The following RASEF variants were observed in gnomAD, a reference collection of about 807,000 sequenced individuals.
RASEF encodes RAS and EF-hand domain containing.
In RASEF, 68 loss-of-function variants were observed where a neutral mutation model predicts 90.1. That is an observed-to-expected ratio of 0.75 (90% CI 0.62 to 0.92). RASEF has a LOEUF of 0.92. RASEF is among the 40% of genes least tolerant of loss of function. The pLI is 0.00. For synonymous variants in RASEF, 331 were observed against 345.2 expected (o/e 0.96, Z 0.46); for missense variants, 949 against 937.2 (o/e 1.01, Z -0.16).
chr9:83,053,858 T>C (rs1830060784), intron 1 of RASEF, among the ~76,000 whole-genome samples: 1 of 78,940 alleles, frequency 1.3e-5, no homozygotes, highest in African/African-American at 6.5e-5. Context: ...TCTTTAAGAA[T>C]GTTGAATATT....
the RASEF span, among the ~76,000 whole-genome samples, chr9:83,107,233 A>C: frequency 6.6e-6 from 1 of 152,188 alleles, no homozygotes; most frequent in Non-Finnish European, 1.5e-5. Flanking sequence ...CACTTCTCTT[A>C]CATTGGTTGA....
At chr9:83,163,843 A>G in the RASEF span, among the ~76,000 whole-genome samples, 3 of 152,128 alleles carry the variant, frequency 2.0e-5, no homozygotes, top group African/African-American at 7.2e-5. Context: ...AAGTAATGTC[A>G]TAACAAATTA....
chr9:83,066,332 T>C (rs886515075), upstream of RASEF, among the ~76,000 whole-genome samples: 14 of 152,352 alleles, frequency 9.2e-5, 2 homozygotes, highest in South Asian at 6.2e-4. Flanking sequence ...CACAATTGCA[T>C]TGTGACCTGC....
the RASEF span, among the ~76,000 whole-genome samples, chr9:83,088,372 G>GGATAGATAGATAGATAGATAGATAGATA: frequency 6.8e-6 from 1 of 147,478 alleles, no homozygotes. Flanking sequence ...ATAGATAGAT[G>GGATAGATAGATAGATAGATAGATAGATA]GATAGATAGA....
chr9:83,191,534 G>T, the RASEF span, among the ~76,000 whole-genome samples: 3 of 152,274 alleles, frequency 2.0e-5, no homozygotes, highest in Admixed American at 2.0e-4. Context: ...ATCTTGGTCA[G>T]AATATTCAGG....
the RASEF span, among the ~76,000 whole-genome samples, chr9:83,204,636 C>T: frequency 0.033 from 5,095 of 152,260 alleles, 286 homozygotes; most frequent in African/African-American, 0.12. Context: ...AAAAACACCA[C>T]ACAAACATGT....
intron 1 of RASEF, among the ~76,000 whole-genome samples, chr9:83,061,906 C>T (rs1830207222): frequency 6.6e-6 from 1 of 152,194 alleles, no homozygotes; most frequent in South Asian, 2.1e-4. Context: ...AAATTAAATG[C>T]GTGAACTCTG....
intron 9 of RASEF, among the ~76,000 whole-genome samples, chr9:83,002,360 A>C (rs1184992620): frequency 6.6e-6 from 1 of 152,156 alleles, no homozygotes; most frequent in Non-Finnish European, 1.5e-5. Context: ...TCTCTCTCTC[A>C]ATACTGCTCA....
chr9:83,194,452 C>A, the RASEF span, among the ~76,000 whole-genome samples: 2 of 152,184 alleles, frequency 1.3e-5, no homozygotes, highest in African/African-American at 4.8e-5. Context: ...GGGGTAGAAG[C>A]TTTCAACATG....
At chr9:83,042,522 G>A (rs1418986214) in intron 1 of RASEF, among the ~76,000 whole-genome samples, 1 of 152,034 alleles carries the variant, frequency 6.6e-6, no homozygotes, top group African/African-American at 2.4e-5. Flanking sequence ...ATCTCTCTAA[G>A]TGGCTGAATT....
chr9:82,995,653 C>CCA (rs1453222037), intron 14 of RASEF, among the ~76,000 whole-genome samples: 4 of 152,030 alleles, frequency 2.6e-5, no homozygotes. Context: ...ACTATGTTGC[C>CCA]CAGACTGATC....
chr9:83,158,952 C>T, the RASEF span, among the ~76,000 whole-genome samples: 4 of 151,528 alleles, frequency 2.6e-5, no homozygotes, highest in South Asian at 2.1e-4. Flanking sequence ...TTTGGGAGGC[C>T]GAGGCGGGTA....
At chr9:83,171,944 C>G in the RASEF span, among the ~76,000 whole-genome samples, 2,536 of 151,664 alleles carry the variant, frequency 0.017, 69 homozygotes, top group African/African-American at 0.058. Context: ...TTCTTTTCTT[C>G]TACTAATTTT....
chr9:83,029,392 TC>T lies in RASEF; in HGVS notation c.432-3472del, dbSNP rs1224518147. On this transcript the variant is annotated intron_variant, in intron 1 of 16. Coordinates refer to ENST00000376447, the MANE Select transcript of RASEF (RefSeq NM_152573.4). ...GCTGTAAACTCTCCCAGACTTGCCT[TC>T]TTTTTTTTTTTTTTTTTGAAACTGA... Among the ~76,000 whole-genome samples, 818 of 148,988 alleles carry T rather than the reference TC, an allele frequency of 5.5e-3. 5 individuals carry two copies. The highest frequency in any genetic ancestry group is 0.025 in the Middle Eastern group (7 of 284).
the RASEF span, among the ~76,000 whole-genome samples, chr9:83,129,406 C>CAA: frequency 0.032 from 3,132 of 97,748 alleles, 47 homozygotes; most frequent in Non-Finnish European, 0.053. Context: ...GACTCCACCT[C>CAA]AAAAAAAAAA....
the RASEF span, among the ~76,000 whole-genome samples, chr9:83,107,899 C>A: frequency 6.6e-6 from 1 of 152,114 alleles, no homozygotes; most frequent in African/African-American, 2.4e-5. Flanking sequence ...CCCAGGAAAA[C>A]CTGTTTTAAA....
the RASEF span, among the ~76,000 whole-genome samples, chr9:83,118,582 T>C: frequency 6.6e-6 from 1 of 152,190 alleles, no homozygotes. Context: ...TATGGTTGTG[T>C]CCATATGAGA....
At chr9:83,059,152 A>G (rs1830159890) in intron 1 of RASEF, among the ~76,000 whole-genome samples, 1 of 152,148 alleles carries the variant, frequency 6.6e-6, no homozygotes, top group South Asian at 2.1e-4. Context: ...CAATTCACAG[A>G]TAACACTCAA....
chr9:83,033,913 A>G (rs1564083931), intron 1 of RASEF, among the ~76,000 whole-genome samples: 1 of 152,162 alleles, frequency 6.6e-6, no homozygotes, highest in Non-Finnish European at 1.5e-5. Flanking sequence ...GATGCCCTGA[A>G]CGAATCACAC....
Sources: allele counts gnomAD v4.1 joint callset (sites outside exome capture counted in the v4.1 genomes callset), GRCh38; gene constraint gnomAD v4.1.1; transcripts MANE v1.5; gene names NCBI Gene and HGNC (gene_info 2026-07-23, HGNC 2026-07-21).